RSRC1: variants seen among roughly 807,000 people sequenced by gnomAD.
RSRC1 encodes the protein arginine and serine rich coiled-coil 1, also known as serine/Arginine-related protein 53.
In RSRC1, 39 loss-of-function variants were observed where a neutral mutation model predicts 49.1. The ratio of observed to expected loss-of-function variants is 0.79; its 90% CI spans 0.61 to 1.04. RSRC1 has a LOEUF of 1.04. Ranked by LOEUF, RSRC1 falls within the 50% of genes least tolerant of loss-of-function variation. RSRC1 has a pLI of 0.00. For synonymous variants in RSRC1, 143 were observed against 130.8 expected (o/e 1.09, Z -0.63); for missense variants, 388 against 402.4 (o/e 0.96, Z 0.31).
chr3:158,196,298 G>C lies in RSRC1; in HGVS notation c.321-6774G>C, dbSNP rs1720610078. Among the ~76,000 whole-genome samples the C allele has an allele frequency of 4.6e-5, 7 of 151,014 alleles. No homozygotes were observed. In the South Asian group the frequency reaches 1.2e-3, roughly 27 times the overall value. ...GAGTTCACTCATGATTTGGCTCTCTGTTTGTCTGTTATTGGTGTATAAGAA... is the reference window on the plus strand; with the variant it reads ...GAGTTCACTCATGATTTGGCTCTCTCTTTGTCTGTTATTGGTGTATAAGAA... On this transcript the variant is annotated intron_variant, in intron 3 of 9. Transcript: ENST00000611884.
At chr3:158,292,530 A>G (rs975090108) in intron 4 of RSRC1, among the ~76,000 whole-genome samples, 5 of 152,270 alleles carry the variant, frequency 3.3e-5, no homozygotes, top group Admixed American at 6.5e-5. Flanking sequence ...CAGTTTTGAG[A>G]CCTATAATTG....
At chr3:158,427,995 T>A (rs1735556005) in intron 6 of RSRC1, among the ~76,000 whole-genome samples, 1 of 151,862 alleles carries the variant, frequency 6.6e-6, no homozygotes, top group Non-Finnish European at 1.5e-5. Context: ...CTATTTTTGG[T>A]TCTTGAGATA....
chr3:158,432,045 G>T (rs899910481), intron 6 of RSRC1, among the ~76,000 whole-genome samples: 2 of 151,908 alleles, frequency 1.3e-5, no homozygotes, highest in Non-Finnish European at 2.9e-5. Context: ...TTGGCTAGAT[G>T]AATTAAATGT....
intron 6 of RSRC1, among the ~76,000 whole-genome samples, chr3:158,398,596 G>T (rs116811372): frequency 6.6e-6 from 1 of 152,190 alleles, no homozygotes; most frequent in South Asian, 2.1e-4. Context: ...AATGAATTTT[G>T]AAGGGGATAG....
At chr3:158,235,891 G>A (rs1723214184) in intron 4 of RSRC1, among the ~76,000 whole-genome samples, 1 of 152,206 alleles carries the variant, frequency 6.6e-6, no homozygotes, top group Non-Finnish European at 1.5e-5. Context: ...GCCAAGGTAG[G>A]TGGATCTTGA....
intron 4 of RSRC1, among the ~76,000 whole-genome samples, chr3:158,214,091 AT>A (rs1246572502): frequency 6.6e-6 from 1 of 151,922 alleles, no homozygotes; most frequent in African/African-American, 2.4e-5. Context: ...TAGCATTTAC[AT>A]TATATTAGGT....
At chr3:158,454,603 G>T (rs937505299) in intron 6 of RSRC1, among the ~76,000 whole-genome samples, 1 of 151,924 alleles carries the variant, frequency 6.6e-6, no homozygotes, top group African/African-American at 2.4e-5. Context: ...TTCCCACATC[G>T]CATTAAGGAT....
intron 4 of RSRC1, among the ~76,000 whole-genome samples, chr3:158,277,594 G>T (rs1042172368): frequency 6.6e-6 from 1 of 152,088 alleles, no homozygotes; most frequent in African/African-American, 2.4e-5. Flanking sequence ...CATACTCCTT[G>T]AAATGTGTGT....
At chr3:158,324,824 T>C (rs1340181334) in intron 5 of RSRC1, among the ~76,000 whole-genome samples, 1 of 152,218 alleles carries the variant, frequency 6.6e-6, no homozygotes, top group Non-Finnish European at 1.5e-5. Flanking sequence ...TTCCACAATG[T>C]TGAAGTAGTT....
At chr3:158,323,525 T>C (rs576132615) in intron 5 of RSRC1, among the ~76,000 whole-genome samples, 1 of 152,316 alleles carries the variant, frequency 6.6e-6, no homozygotes, top group South Asian at 2.1e-4. Flanking sequence ...TAATCTGCTA[T>C]GGCTCTCTCA....
At chr3:158,316,177 A>G (rs1344330121) in intron 5 of RSRC1, among the ~76,000 whole-genome samples, 4 of 152,050 alleles carry the variant, frequency 2.6e-5, no homozygotes, top group Admixed American at 1.3e-4. Context: ...GTCTCAAAAA[A>G]AAAAAAAAGC....
chr3:158,454,270 A>G (rs540281168), intron 6 of RSRC1, among the ~76,000 whole-genome samples: 1 of 152,086 alleles, frequency 6.6e-6, no homozygotes, highest in Admixed American at 6.6e-5. Context: ...ATTTTTTTTA[A>G]CTTCTCTGTT....
chr3:158,518,103 T>C (rs1740676924), intron 7 of RSRC1, among the ~76,000 whole-genome samples: 2 of 49,786 alleles, frequency 4.0e-5, no homozygotes, highest in South Asian at 8.2e-4. Context: ...TGCGTGTGTG[T>C]GTGTGTGTGT....
chr3:158,241,101 A>G (rs1409991873), intron 4 of RSRC1, among the ~76,000 whole-genome samples: 1 of 152,188 alleles, frequency 6.6e-6, no homozygotes, highest in Non-Finnish European at 1.5e-5. Flanking sequence ...GTTTGATACT[A>G]TCCATGGTAT....
At chr3:158,294,479 T>C (rs1727119162) in intron 4 of RSRC1, among the ~76,000 whole-genome samples, 1 of 152,156 alleles carries the variant, frequency 6.6e-6, no homozygotes, top group South Asian at 2.1e-4. Flanking sequence ...GATTATTATT[T>C]TTTAAAATTC....
chr3:158,487,949 G>GAAAACAAAAAAAAAAAAAAA (rs1738888936), intron 7 of RSRC1, among the ~76,000 whole-genome samples: 1 of 28,920 alleles, frequency 3.5e-5, no homozygotes, highest in Non-Finnish European at 6.0e-5. Flanking sequence ...TCCATCTCAA[G>GAAAACAAAAAAAAAAAAAAA]AAAAAAAAAA....
chr3:158,509,796 ATAT>A (rs1740056941), intron 7 of RSRC1, among the ~76,000 whole-genome samples: 1 of 152,090 alleles, frequency 6.6e-6, no homozygotes, highest in African/African-American at 2.4e-5. Context: ...CTGTTGTATA[ATAT>A]TCTATTTTTA....
At chr3:158,485,679 T>C (rs10936146) in intron 7 of RSRC1, among the ~76,000 whole-genome samples, 79,005 of 151,886 alleles carry the variant, frequency 0.52, 21,100 homozygotes, top group African/African-American at 0.64. Flanking sequence ...GTGAATCTGC[T>C]ATCTCAAAGT....
chr3:158,443,438 T>A (rs1243599423), intron 6 of RSRC1, among the ~76,000 whole-genome samples: 1 of 152,204 alleles, frequency 6.6e-6, no homozygotes, highest in Non-Finnish European at 1.5e-5. Context: ...ACTTCTTTCC[T>A]TAAACCTCAC....
Sources: allele counts gnomAD v4.1 joint callset (sites outside exome capture counted in the v4.1 genomes callset), GRCh38; gene constraint gnomAD v4.1.1; transcripts MANE v1.5; gene names NCBI Gene and HGNC (gene_info 2026-07-23, HGNC 2026-07-21).